The following GMDS variants were observed in gnomAD, a reference collection of about 807,000 sequenced individuals.
GMDS encodes GDP-mannose 4,6-dehydratase, also known as GDP-mannose 4,6 dehydratase.
A neutral mutation model predicts 49.9 loss-of-function variants in GMDS; 20 were observed. The observed-to-expected ratio is 0.40, with a 90% CI of 0.28 to 0.58. The LOEUF (loss-of-function observed/expected upper bound fraction) is 0.58, where lower values mean the gene tolerates loss of function less well. Among genes scored for constraint, GMDS ranks in the 20% least tolerant of loss-of-function variants. The pLI is 0.42. For missense variants in GMDS, 362 were observed against 481.4 expected (o/e 0.75, Z 2.32); for synonymous variants, 177 against 178.6 (o/e 0.99, Z 0.07).
chr6:2,030,006 G>A (rs889027682), intron 4 of GMDS, among the ~76,000 whole-genome samples: 3 of 152,068 alleles, frequency 2.0e-5, no homozygotes, highest in African/African-American at 4.8e-5. Context: ...CATCCAACTC[G>A]TGAACTGCCT....
At chr6:2,078,678 TAACA>T (rs1484351094) in intron 4 of GMDS, among the ~76,000 whole-genome samples, 3 of 152,106 alleles carry the variant, frequency 2.0e-5, no homozygotes, top group Admixed American at 2.0e-4. Flanking sequence ...TTTTGTGGCC[TAACA>T]GTCTATTCTG....
At chr6:1,654,173 T>C (rs914095577) in intron 9 of GMDS, among the ~76,000 whole-genome samples, 3 of 152,314 alleles carry the variant, frequency 2.0e-5, no homozygotes, top group Admixed American at 1.3e-4. Context: ...TGTAAAACTC[T>C]GCAGTCGTAA....
intron 9 of GMDS, among the ~76,000 whole-genome samples, chr6:1,681,537 C>T (rs1581451106): frequency 2.0e-5 from 3 of 152,132 alleles, no homozygotes; most frequent in Admixed American, 6.5e-5. Context: ...TAGACCCAGG[C>T]GCACAGTGGG....
chr6:2,081,934 G>A (rs557909444), intron 4 of GMDS, among the ~76,000 whole-genome samples: 2 of 152,206 alleles, frequency 1.3e-5, no homozygotes, highest in East Asian at 1.9e-4. Context: ...TTCCAGGAGC[G>A]TGTAAGCAAG....
chr6:1,710,274 T>C (rs564007281), intron 9 of GMDS, among the ~76,000 whole-genome samples: 1 of 152,358 alleles, frequency 6.6e-6, no homozygotes, highest in Non-Finnish European at 1.5e-5. Context: ...TATGTGTATA[T>C]TCCTGAGAAG....
intron 9 of GMDS, among the ~76,000 whole-genome samples, chr6:1,671,915 G>C (rs999121242): frequency 1.4e-4 from 22 of 151,962 alleles, no homozygotes; most frequent in African/African-American, 5.3e-4. Context: ...TGCCCACCTT[G>C]GCTTCCCAAA....
intron 4 of GMDS, among the ~76,000 whole-genome samples, chr6:2,040,647 A>G (rs1769620465): frequency 6.6e-6 from 1 of 152,174 alleles, no homozygotes; most frequent in African/African-American, 2.4e-5. Flanking sequence ...ATAGGAGATG[A>G]TGAGGTTTAG....
intron 8 of GMDS, among the ~76,000 whole-genome samples, chr6:1,735,995 G>C (rs1170637145): frequency 6.6e-6 from 1 of 152,180 alleles, no homozygotes. Flanking sequence ...GAGGTGCTGT[G>C]CCAGCTGTTT....
chr6:1,755,668 T>A (rs906097026), intron 7 of GMDS, among the ~76,000 whole-genome samples: 2 of 152,002 alleles, frequency 1.3e-5, no homozygotes, highest in Admixed American at 6.6e-5. Flanking sequence ...GGGAAAGGAT[T>A]CCCTATTTAA....
At chr6:1,932,255 C>T (rs192930268) in intron 6 of GMDS, among the ~76,000 whole-genome samples, 2 of 152,282 alleles carry the variant, frequency 1.3e-5, no homozygotes, top group African/African-American at 2.4e-5. Flanking sequence ...TGAGGGCTAT[C>T]GCTGATAGCA....
In GMDS at chr6:1,687,203, T is replaced by A. The variant is rs1266585415; in HGVS notation, c.987+39213A>T. Reference sequence around the variant, plus strand: ...CCTTCTCACTGACAAAAAACTCCCATAACAGAAACGAAAGAGCTCCTGTTC... The same window carrying A: ...CCTTCTCACTGACAAAAAACTCCCAAAACAGAAACGAAAGAGCTCCTGTTC... On this transcript the variant is annotated intron_variant, in intron 9 of 10. Transcript: ENST00000380815. Among the ~76,000 whole-genome samples the A allele has an allele frequency of 3.9e-5, 6 of 152,098 alleles. No homozygotes were observed. The South Asian group carries it at 6.2e-4, about 16-fold the overall frequency.
chr6:1,654,895 TACTAAAA>T (rs1413982789), intron 9 of GMDS, among the ~76,000 whole-genome samples: 2 of 151,950 alleles, frequency 1.3e-5, no homozygotes, highest in East Asian at 3.9e-4. Flanking sequence ...ACCCCATCTC[TACTAAAA>T]ATACAAACAT....
intron 1 of GMDS, among the ~76,000 whole-genome samples, chr6:2,234,450 A>G (rs966295363): frequency 1.3e-5 from 2 of 152,090 alleles, no homozygotes; most frequent in Admixed American, 1.3e-4. Flanking sequence ...TCTACTAAAA[A>G]TACAAAAAAT....
chr6:1,799,073 C>T (rs991346072), intron 7 of GMDS, among the ~76,000 whole-genome samples: 1 of 152,068 alleles, frequency 6.6e-6, no homozygotes, highest in Non-Finnish European at 1.5e-5. Flanking sequence ...TTACTCCTAC[C>T]GATCCCTAGG....
At chr6:1,855,273 C>T (rs1757893835) in intron 7 of GMDS, among the ~76,000 whole-genome samples, 2 of 152,194 alleles carry the variant, frequency 1.3e-5, no homozygotes, top group Non-Finnish European at 2.9e-5. Flanking sequence ...TAGCCATTCA[C>T]ATCAACATCT....
chr6:1,878,066 C>T (rs1759166506), intron 7 of GMDS, among the ~76,000 whole-genome samples: 1 of 152,118 alleles, frequency 6.6e-6, no homozygotes, highest in South Asian at 2.1e-4. Flanking sequence ...GTCATCCCAG[C>T]ACTCTGGGAG....
chr6:1,700,644 A>AGG (rs1308741473), intron 9 of GMDS, among the ~76,000 whole-genome samples: 2 of 152,324 alleles, frequency 1.3e-5, no homozygotes, highest in Admixed American at 1.3e-4. Flanking sequence ...CACTGATTTG[A>AGG]GGAGAGAGAT....
At chr6:1,931,576 T>A (rs1204405772) in intron 6 of GMDS, among the ~76,000 whole-genome samples, 1 of 152,184 alleles carries the variant, frequency 6.6e-6, no homozygotes, top group Non-Finnish European at 1.5e-5. Flanking sequence ...CCTTTCGAAA[T>A]GAAAAACTAC....
intron 1 of GMDS, among the ~76,000 whole-genome samples, chr6:2,152,715 CA>C (rs1383556574): frequency 2.6e-5 from 4 of 151,940 alleles, no homozygotes; most frequent in Non-Finnish European, 5.9e-5. Context: ...CAACAAGTTA[CA>C]AAAATTTGGA....
Sources: gnomAD v4.1 joint callset for allele counts (sites outside exome capture counted in the v4.1 genomes callset) on GRCh38, gnomAD v4.1.1 for gene constraint, MANE v1.5 for transcripts, NCBI Gene and HGNC (gene_info 2026-07-23, HGNC 2026-07-21) for gene names.